CRACDL: variants seen among roughly 807,000 people sequenced by gnomAD.
CRACDL encodes the protein CRACD-like protein.
A neutral mutation model predicts 70.6 loss-of-function variants in CRACDL; 26 were observed. The observed-to-expected ratio is 0.37, with a 90% CI of 0.27 to 0.51. The LOEUF is 0.51. Among genes scored for constraint, CRACDL ranks in the 20% least tolerant of loss-of-function variants. The pLI is 0.94. For synonymous variants in CRACDL, 618 were observed against 615.2 expected (o/e 1.00, Z -0.07); for missense variants, 1,283 against 1,376.9 (o/e 0.93, Z 1.08).
chr2:98,828,291 C>T (rs548287946), intron 5 of CRACDL, among the ~76,000 whole-genome samples: 2 of 152,202 alleles, frequency 1.3e-5, no homozygotes, highest in African/African-American at 4.8e-5. Context: ...AGGTGACAGG[C>T]TTTTCGTATA....
At chr2:98,895,465 C>T (rs377572576) in intron 1 of CRACDL, among the ~76,000 whole-genome samples, 35 of 152,166 alleles carry the variant, frequency 2.3e-4, no homozygotes, top group Admixed American at 4.6e-4. Flanking sequence ...ACAGGGAAGA[C>T]GAGATTCCAG....
At chr2:98,869,380 C>T (rs929796004) in intron 1 of CRACDL, 18 of 813,496 alleles carry the variant, frequency 2.2e-5, no homozygotes, top group Middle Eastern at 4.5e-4. Flanking sequence ...GTCTAAGAAA[C>T]GCAATGCACT....
chr2:98,838,985 A>G (rs180761282), intron 2 of CRACDL, among the ~76,000 whole-genome samples: 6 of 152,346 alleles, frequency 3.9e-5, no homozygotes, highest in Admixed American at 6.5e-5. Flanking sequence ...CCAGGTTTCC[A>G]TGATTTCACA....
chr2:98,910,435 C>A (rs1357769568), intron 1 of CRACDL, among the ~76,000 whole-genome samples: 1 of 151,976 alleles, frequency 6.6e-6, no homozygotes, highest in African/African-American at 2.4e-5. Flanking sequence ...GCAGGAGAAT[C>A]ACTTGAACCT....
At chr2:98,900,309 G>A (rs1470547316) in intron 1 of CRACDL, among the ~76,000 whole-genome samples, 1 of 141,644 alleles carries the variant, frequency 7.1e-6, no homozygotes, top group Non-Finnish European at 1.5e-5. Flanking sequence ...GGCTCAGTAG[G>A]AGGGGAGGCA....
intron 3 of CRACDL, among the ~76,000 whole-genome samples, chr2:98,837,135 G>A (rs1705824751): frequency 6.7e-6 from 1 of 150,126 alleles, no homozygotes; most frequent in Admixed American, 6.6e-5. Flanking sequence ...CACTTCACAT[G>A]GTGCAATGTG....
intron 2 of CRACDL, among the ~76,000 whole-genome samples, chr2:98,845,160 T>G (rs896824052): frequency 2.6e-5 from 4 of 151,870 alleles, no homozygotes; most frequent in African/African-American, 9.7e-5. Context: ...CTGTTGTCTC[T>G]CCAGGTTGCC....
Position 98,823,665 on chromosome 2 carries a change from G to A in CRACDL, c.736-128C>T. The A allele has an allele frequency of 8.6e-7, 1 of 1,163,826 alleles. No individual in the cohort carries two copies. The highest frequency in any genetic ancestry group is 1.2e-6 in the Non-Finnish European group (1 of 816,594). The allele number at this position is 1,163,826 out of a possible 1,614,324, so 72.1% of individuals were successfully genotyped here. The stretch of plus-strand genomic sequence containing the variant: ...CACTATAAAGCTGGCACTTAAGTAG[G>A]CATGTACCCACGGGTGTCTTTTCTC... On this transcript the variant is annotated intron_variant, in intron 6 of 9. Transcript: ENST00000397899. The surrounding 1 kb of genome is among the most constrained non-coding windows in gnomAD (Gnocchi z 4.0).
intron 7 of CRACDL, among the ~76,000 whole-genome samples, chr2:98,808,462 G>A (rs1704415023): frequency 6.6e-6 from 1 of 152,144 alleles, no homozygotes; most frequent in Admixed American, 6.5e-5. Context: ...ACCCTGAAGA[G>A]AGAGCTCACA....
chr2:98,924,639 T>A (rs1708872428), intron 1 of CRACDL, among the ~76,000 whole-genome samples: 1 of 152,168 alleles, frequency 6.6e-6, no homozygotes, highest in Non-Finnish European at 1.5e-5. Flanking sequence ...CAGCAAGGTA[T>A]GCCCCACAAA....
At chr2:98,928,364 C>T (rs975104895) in intron 1 of CRACDL, among the ~76,000 whole-genome samples, 2 of 152,138 alleles carry the variant, frequency 1.3e-5, no homozygotes, top group African/African-American at 2.4e-5. Context: ...GCTCCTGTTC[C>T]GCCCCCAGGC....
intron 1 of CRACDL, among the ~76,000 whole-genome samples, chr2:98,902,115 C>G (rs941072607): frequency 1.3e-5 from 2 of 152,148 alleles, no homozygotes; most frequent in Admixed American, 1.3e-4. Context: ...TGACACTGAC[C>G]GATCCTAAAC....
chr2:98,891,229 T>C (rs1707964734), intron 1 of CRACDL, among the ~76,000 whole-genome samples: 1 of 151,344 alleles, frequency 6.6e-6, no homozygotes, highest in Non-Finnish European at 1.5e-5. Context: ...ATAAAAAAAT[T>C]AGCCAGGCAT....
At chr2:98,806,917 G>A (rs1704326609) in intron 7 of CRACDL, among the ~76,000 whole-genome samples, 1 of 152,142 alleles carries the variant, frequency 6.6e-6, no homozygotes, top group South Asian at 2.1e-4. Context: ...GGCAGCTATT[G>A]TCCTTGGAGC....
chr2:98,923,517 T>C (rs930828094), intron 1 of CRACDL, among the ~76,000 whole-genome samples: 3 of 152,186 alleles, frequency 2.0e-5, no homozygotes, highest in African/African-American at 7.2e-5. Flanking sequence ...GAGCCTGTCA[T>C]ACCCACTTCT....
intron 3 of CRACDL, among the ~76,000 whole-genome samples, chr2:98,837,335 G>A (rs1277805227): frequency 6.6e-6 from 1 of 151,976 alleles, no homozygotes; most frequent in African/African-American, 2.4e-5. Context: ...CAAGAGAGGG[G>A]ACAGGACACC....
chr2:98,903,974 G>A (rs981033082), intron 1 of CRACDL, among the ~76,000 whole-genome samples: 8 of 152,102 alleles, frequency 5.3e-5, no homozygotes, highest in South Asian at 2.1e-4. Flanking sequence ...CTAGCTGCTC[G>A]GTGCCCAGAA....
intron 1 of CRACDL, among the ~76,000 whole-genome samples, chr2:98,902,675 A>T (rs1243133587): frequency 1.3e-5 from 2 of 152,040 alleles, no homozygotes; most frequent in African/African-American, 4.8e-5. Context: ...GGTCTGTAGG[A>T]CAGAGGGCCC....
intron 1 of CRACDL, among the ~76,000 whole-genome samples, chr2:98,850,259 T>A (rs965094050): frequency 6.6e-6 from 1 of 152,230 alleles, no homozygotes; most frequent in Non-Finnish European, 1.5e-5. Context: ...CACAGAGGAA[T>A]GTCTGTCCGG....
Sources: allele counts gnomAD v4.1 joint callset (sites outside exome capture counted in the v4.1 genomes callset), GRCh38; gene constraint gnomAD v4.1.1; non-coding constraint Gnocchi (gnomAD v3.1); transcripts MANE v1.5; gene names NCBI Gene and HGNC (gene_info 2026-07-23, HGNC 2026-07-21).